CNTNAP2: variants seen among roughly 807,000 people sequenced by gnomAD.
The protein encoded by CNTNAP2 is contactin associated protein 2, also known as contactin-associated protein-like 2.
CNTNAP2 carries 98 observed loss-of-function variants against 155.2 expected under a neutral mutation model. The observed-to-expected ratio is 0.63, with a 90% CI of 0.54 to 0.75. The LOEUF (loss-of-function observed/expected upper bound fraction) is 0.75. Among genes scored for constraint, CNTNAP2 ranks in the 30% least tolerant of loss-of-function variants. CNTNAP2 has a pLI of 0.00. For missense variants in CNTNAP2, 1,727 were observed against 1,688.1 expected, an observed-to-expected ratio of 1.02 and a Z score of -0.40; for synonymous variants, 651 against 631.2, an observed-to-expected ratio of 1.03 and a Z score of -0.47.
intron 4 of CNTNAP2, among the ~76,000 whole-genome samples, chr7:147,089,979 T>C (rs974108385): frequency 6.6e-6 from 1 of 152,194 alleles, no homozygotes; most frequent in Admixed American, 6.5e-5. Flanking sequence ...GACTGAATTA[T>C]GTATTTTTTC....
chr7:146,353,453 C>T (rs767268501), intron 1 of CNTNAP2, among the ~76,000 whole-genome samples: 13 of 152,250 alleles, frequency 8.5e-5, no homozygotes, highest in Middle Eastern at 3.4e-3. Context: ...TCTTTATCTA[C>T]ATTCATGGAT....
chr7:148,217,282 T>A lies in CNTNAP2; in HGVS notation c.3011-6T>A. ...ATTTTTCAATTCTCTCTCTCCTTTA[T>A]AACAGATGTTGGTGCATTTTTTGAA... is the stretch of plus-strand genomic sequence containing the variant. On this transcript the variant is annotated splice_polypyrimidine_tract_variant and splice_region_variant and intron_variant, in intron 18 of 23. Transcript: ENST00000361727. The A allele has an allele frequency of 6.2e-7, 1 of 1,613,996 alleles. No individual in the cohort carries two copies. The highest frequency in any genetic ancestry group is 8.5e-7 in the Non-Finnish European group (1 of 1,179,892).
intron 13 of CNTNAP2, among the ~76,000 whole-genome samples, chr7:147,684,528 G>A (rs113932560): frequency 0.011 from 1,611 of 151,896 alleles, 20 homozygotes; most frequent in African/African-American, 0.036. Flanking sequence ...TTACATGAAC[G>A]ATAATATAGG....
At chr7:147,024,092 T>G (rs1798859968) in intron 3 of CNTNAP2, among the ~76,000 whole-genome samples, 1 of 152,170 alleles carries the variant, frequency 6.6e-6, no homozygotes, top group Non-Finnish European at 1.5e-5. Context: ...GTATCCAGTA[T>G]CTAATCCAGT....
At chr7:147,271,593 G>C (rs1584834247) in intron 8 of CNTNAP2, among the ~76,000 whole-genome samples, 2 of 152,268 alleles carry the variant, frequency 1.3e-5, no homozygotes, top group East Asian at 3.9e-4. Context: ...TATGTGGCTG[G>C]GGAGGCCTCA....
rs566541785 is a variant in CNTNAP2, at chr7:146,249,327, G to T, written c.97+132354G>T. On this transcript the variant is annotated intron_variant, in intron 1 of 23. Transcript: ENST00000361727. The stretch of plus-strand genomic sequence containing the variant: ...TCTTCATGTTATCTAATCTGGAAAA[G>T]AATTTTTCTAGCTCCATTGCTAAAA... 8.5e-5 allele frequency among the ~76,000 whole-genome samples: 13 copies of T among 152,246 alleles called. No homozygotes were observed. In the East Asian group the frequency reaches 9.6e-4, roughly 11 times the overall value.
At chr7:146,297,776 C>T (rs896533663) in intron 1 of CNTNAP2, among the ~76,000 whole-genome samples, 22 of 152,036 alleles carry the variant, frequency 1.4e-4, no homozygotes, top group African/African-American at 5.1e-4. Flanking sequence ...TATAAATAAG[C>T]ACATTCTTTA....
At position 147,030,562 on chromosome 7, in the gene CNTNAP2, G is replaced by A. The variant is rs189064415; in HGVS notation, c.403-13345G>A. On this transcript the variant is annotated intron_variant, in intron 3 of 23. Coordinates refer to ENST00000361727, the MANE Select transcript of CNTNAP2 (RefSeq NM_014141.6). ...AGAAATAAGTTCATTTAACGGTAAAGTTCTTTTTCCCCAATATCTTCTTAT... is the reference window on the plus strand; with the variant it reads ...AGAAATAAGTTCATTTAACGGTAAAATTCTTTTTCCCCAATATCTTCTTAT... 6.3e-3 allele frequency among the ~76,000 whole-genome samples: 956 copies of A among 152,220 alleles called. 6 individuals are homozygous for A. Among genetic ancestry groups the A allele is most frequent in the Non-Finnish European group, 0.011 (752 of 68,004 alleles).
intron 1 of CNTNAP2, among the ~76,000 whole-genome samples, chr7:146,447,527 T>C (rs1796419455): frequency 6.6e-6 from 1 of 152,042 alleles, no homozygotes; most frequent in Admixed American, 6.6e-5. Context: ...ATAGAATATA[T>C]ACTGACAAAG....
At chr7:147,923,754 G>C (rs946319847) in intron 14 of CNTNAP2, among the ~76,000 whole-genome samples, 1 of 151,456 alleles carries the variant, frequency 6.6e-6, no homozygotes, top group African/African-American at 2.4e-5. Context: ...TGGTCTCAAA[G>C]TCCTAGGCTC....
At position 147,044,002 on chromosome 7, in the gene CNTNAP2, G is replaced by T; in HGVS notation, c.498G>T (p.Trp166Cys). 6.2e-7 allele frequency: 1 copy of T among 1,614,202 alleles called. No homozygotes were observed. Among genetic ancestry groups the T allele is most frequent in the Non-Finnish European group, 8.5e-7 (1 of 1,180,020 alleles). ...ATGTGCGCATAGTGCCTCTGGATTG[G>T]AATGGAGAAGGTCGCATTGGACTCA... ...ARYVRIVPLD[W>C]NGEGRIGLRI... Residue 166 changes from tryptophan (W) to cysteine (C), a missense_variant, in exon 4 of 24, where the codon TGG (tryptophan) becomes TGT (cysteine). Transcript: ENST00000361727.
intron 8 of CNTNAP2, among the ~76,000 whole-genome samples, chr7:147,150,564 A>G (rs1277540400): frequency 1.3e-5 from 2 of 152,206 alleles, no homozygotes; most frequent in Non-Finnish European, 2.9e-5. Context: ...ATTTTCCAAC[A>G]TCTACTGCTT....
chr7:147,934,055 G>A (rs1800560195), intron 14 of CNTNAP2, among the ~76,000 whole-genome samples: 1 of 152,194 alleles, frequency 6.6e-6, no homozygotes, highest in Admixed American at 6.5e-5. Flanking sequence ...CCAGGGGCTG[G>A]CAAGAGGGGA....
intron 1 of CNTNAP2, among the ~76,000 whole-genome samples, chr7:146,569,013 T>A (rs1015516248): frequency 6.6e-6 from 1 of 151,764 alleles, no homozygotes; most frequent in Admixed American, 6.6e-5. Flanking sequence ...TTTTTAATTA[T>A]TTATTTATTT....
At chr7:146,666,811 G>A (rs1253048827) in intron 1 of CNTNAP2, among the ~76,000 whole-genome samples, 2 of 151,998 alleles carry the variant, frequency 1.3e-5, no homozygotes, top group East Asian at 3.9e-4. Context: ...CATCAGTTCA[G>A]ATCATTTGCC....
chr7:148,202,552 C>A (rs953300304), intron 18 of CNTNAP2, among the ~76,000 whole-genome samples: 2 of 152,182 alleles, frequency 1.3e-5, no homozygotes, highest in Admixed American at 1.3e-4. Flanking sequence ...TAAATCCATT[C>A]TTTTGCCACA....
chr7:148,306,911 G>T (rs1797501052), intron 21 of CNTNAP2, among the ~76,000 whole-genome samples: 1 of 152,118 alleles, frequency 6.6e-6, no homozygotes, highest in Non-Finnish European at 1.5e-5. Flanking sequence ...ATGACTGAAA[G>T]TTCTGTGCAC....
At chr7:146,752,954 A>G (rs1447260272) in intron 1 of CNTNAP2, among the ~76,000 whole-genome samples, 1 of 152,174 alleles carries the variant, frequency 6.6e-6, no homozygotes, top group African/African-American at 2.4e-5. Context: ...ATTACAGAGT[A>G]AATGGAAAGT....
intron 21 of CNTNAP2, among the ~76,000 whole-genome samples, chr7:148,315,851 A>G (rs1312958386): frequency 6.6e-6 from 1 of 152,198 alleles, no homozygotes; most frequent in Admixed American, 6.5e-5. Flanking sequence ...ACTTTTTTAT[A>G]TAAACACCTA....
Sources: allele counts gnomAD v4.1 joint callset (sites outside exome capture counted in the v4.1 genomes callset), GRCh38; gene constraint gnomAD v4.1.1; transcripts MANE v1.5; gene names NCBI Gene and HGNC (gene_info 2026-07-23, HGNC 2026-07-21).